LOC128462377: variants seen among roughly 807,000 people sequenced by gnomAD.
At chr16:89,394,680 C>T in the LOC128462377 span, among the ~76,000 whole-genome samples, 2 of 151,798 alleles carry the variant, frequency 1.3e-5, no homozygotes, top group African/African-American at 4.8e-5. Flanking sequence ...GTATTTTCCA[C>T]TCCTCGTCTC....
At chr16:89,352,899 G>A in the LOC128462377 span, among the ~76,000 whole-genome samples, 4 of 152,020 alleles carry the variant, frequency 2.6e-5, no homozygotes, top group South Asian at 2.1e-4. Flanking sequence ...TCTACTTCAC[G>A]GCATGTTTAA....
chr16:89,328,397 G>A, the LOC128462377 span, among the ~76,000 whole-genome samples: 4 of 152,222 alleles, frequency 2.6e-5, no homozygotes, highest in Non-Finnish European at 2.9e-5. Flanking sequence ...GTTTGCGAAT[G>A]TTCACAGAAC....
At chr16:89,388,725 C>T in the LOC128462377 span, among the ~76,000 whole-genome samples, 1 of 152,146 alleles carries the variant, frequency 6.6e-6, no homozygotes, top group East Asian at 1.9e-4. Flanking sequence ...GAAGAGCCGG[C>T]AGGTCCCGGG....
chr16:89,398,565 T>G, the LOC128462377 span, among the ~76,000 whole-genome samples: 2 of 152,162 alleles, frequency 1.3e-5, no homozygotes, highest in African/African-American at 4.8e-5. Flanking sequence ...AAAAAATTTT[T>G]TTTTAACAAA....
chr16:89,344,765 C>T, the LOC128462377 span, among the ~76,000 whole-genome samples: 27 of 152,288 alleles, frequency 1.8e-4, no homozygotes, highest in African/African-American at 5.3e-4. Context: ...GGGAGCACAG[C>T]GGAGGGCCAG....
At chr16:89,347,044 C>A in the LOC128462377 span, among the ~76,000 whole-genome samples, 1 of 152,098 alleles carries the variant, frequency 6.6e-6, no homozygotes, top group East Asian at 1.9e-4. Flanking sequence ...GAAGAGAAGG[C>A]TCTGCTGGGC....
the LOC128462377 span, among the ~76,000 whole-genome samples, chr16:89,318,104 TC>T: frequency 6.6e-6 from 1 of 152,266 alleles, no homozygotes; most frequent in Non-Finnish European, 1.5e-5. Context: ...TGCTTCCGAC[TC>T]CCACCCCCGT....
At chr16:89,324,722 GACCTAC>G in the LOC128462377 span, 1 of 334,254 alleles carries the variant, frequency 3.0e-6, no homozygotes, top group Non-Finnish European at 5.8e-6. Flanking sequence ...TGGGTTCTTG[GACCTAC>G]ACCAGTGGTT....
the LOC128462377 span, among the ~76,000 whole-genome samples, chr16:89,366,268 T>C: frequency 2.6e-5 from 4 of 152,124 alleles, no homozygotes; most frequent in Non-Finnish European, 5.9e-5. Flanking sequence ...TCTTCTTCTG[T>C]GAATGGTGCT....
the LOC128462377 span, among the ~76,000 whole-genome samples, chr16:89,396,549 G>C: frequency 2.7e-5 from 4 of 150,496 alleles, no homozygotes; most frequent in Middle Eastern, 0.01. Context: ...TTTTTTTTTT[G>C]TATACTTCAA....
At chr16:89,411,019 G>A in the LOC128462377 span, among the ~76,000 whole-genome samples, 1 of 152,226 alleles carries the variant, frequency 6.6e-6, no homozygotes. Flanking sequence ...AGAGAAGGGT[G>A]GCCAGGGCAG....
chr16:89,404,806 A>G, the LOC128462377 span, among the ~76,000 whole-genome samples: 2 of 152,242 alleles, frequency 1.3e-5, no homozygotes, highest in Non-Finnish European at 1.5e-5. Context: ...TGAAGGCATC[A>G]TGGATCCAAA....
chr16:89,342,076 C>CCACAGCG, the LOC128462377 span, among the ~76,000 whole-genome samples: 1 of 39,002 alleles, frequency 2.6e-5, no homozygotes, highest in African/African-American at 8.5e-5. Flanking sequence ...GCACCTCCAC[C>CCACAGCG]GCCCACAGCT....
chr16:89,383,899 G>A, the LOC128462377 span, among the ~76,000 whole-genome samples: 15 of 152,112 alleles, frequency 9.9e-5, no homozygotes, highest in Non-Finnish European at 2.1e-4. Context: ...ACAAACACCC[G>A]CTAGGGCCTT....
At chr16:89,326,419 ACCACCCAC>A in the LOC128462377 span, among the ~76,000 whole-genome samples, 1 of 151,922 alleles carries the variant, frequency 6.6e-6, no homozygotes, top group African/African-American at 2.4e-5. Flanking sequence ...CCACTCAGCA[ACCACCCAC>A]CCACTGCTCA....
the LOC128462377 span, among the ~76,000 whole-genome samples, chr16:89,397,178 T>G: frequency 6.6e-6 from 1 of 152,150 alleles, no homozygotes; most frequent in African/African-American, 2.4e-5. Flanking sequence ...CTCAGGCTCC[T>G]CCACGTCCAA....
chr16:89,406,303 CA>C, the LOC128462377 span, among the ~76,000 whole-genome samples: 38 of 152,152 alleles, frequency 2.5e-4, no homozygotes, highest in Non-Finnish European at 4.9e-4. Context: ...ACGGCACTGA[CA>C]GAAGCACAGA....
At chr16:89,367,145 C>T in the LOC128462377 span, among the ~76,000 whole-genome samples, 571 of 152,320 alleles carry the variant, frequency 3.7e-3, 2 homozygotes, top group African/African-American at 0.013. Context: ...CCGCACCCAT[C>T]GGTGAGGAAG....
chr16:89,346,481 G>A, the LOC128462377 span, among the ~76,000 whole-genome samples: 203 of 152,220 alleles, frequency 1.3e-3, 1 homozygote, highest in African/African-American at 4.7e-3. Flanking sequence ...AAGCTCCCAG[G>A]GAACAACAGT....
Sources: gnomAD v4.1 joint callset for allele counts (sites outside exome capture counted in the v4.1 genomes callset) on GRCh38, gnomAD v4.1.1 for gene constraint, MANE v1.5 for transcripts.